TXNDC16: variants seen among roughly 807,000 people sequenced by gnomAD.
TXNDC16 encodes the protein thioredoxin domain-containing protein 16.
A neutral mutation model predicts 85.6 loss-of-function variants in TXNDC16; 74 were observed. The ratio of observed to expected loss-of-function variants is 0.86; its 90% CI spans 0.72 to 1.05. The LOEUF (loss-of-function observed/expected upper bound fraction) is 1.05, where lower values mean the gene tolerates loss of function less well. Ranked by LOEUF, TXNDC16 falls within the 50% of genes least tolerant of loss-of-function variation. The probability of loss-of-function intolerance (pLI) is 0.00; values close to 1 mark genes in which losing one functional copy is unlikely to be tolerated. For missense variants in TXNDC16, 959 were observed against 947.0 expected, an observed-to-expected ratio of 1.01 and a Z score of -0.17; for synonymous variants, 335 against 326.5, an observed-to-expected ratio of 1.03 and a Z score of -0.28.
chr14:52,491,031 A>G (rs537917630), intron 9 of TXNDC16, 26 bp from the exon 10 acceptor site: 4 of 1,468,820 alleles, frequency 2.7e-6, no homozygotes, highest in East Asian at 4.8e-5. Flanking sequence ...AAAAAAAAAA[A>G]GGTGTGATAA....
chr14:52,519,349 C>T, intron 6 of TXNDC16, 56 bp from the exon 7 acceptor site: 4 of 1,357,712 alleles, frequency 2.9e-6, no homozygotes, highest in South Asian at 1.4e-5. Flanking sequence ...TTAGTTACAC[C>T]ACACTTCTGT....
intron 14 of TXNDC16, among the ~76,000 whole-genome samples, chr14:52,479,167 A>C (rs991244453): frequency 6.6e-6 from 1 of 152,150 alleles, no homozygotes; most frequent in African/African-American, 2.4e-5. Flanking sequence ...CATACCTCAA[A>C]GTAATAAAAG....
intron 16 of TXNDC16, among the ~76,000 whole-genome samples, chr14:52,468,819 G>C (rs987434922): frequency 6.6e-6 from 1 of 151,952 alleles, no homozygotes; most frequent in African/African-American, 2.4e-5. Context: ...TGAGTGTGCA[G>C]TGAGCTGTGA....
chr14:52,440,167 A>T (rs2035133262), intron 19 of TXNDC16, among the ~76,000 whole-genome samples: 1 of 152,228 alleles, frequency 6.6e-6, no homozygotes, highest in Non-Finnish European at 1.5e-5. Flanking sequence ...CACAATCCAT[A>T]CATCTAGAAA....
intron 9 of TXNDC16, among the ~76,000 whole-genome samples, chr14:52,500,825 T>C (rs2036641020): frequency 6.6e-6 from 1 of 152,186 alleles, no homozygotes; most frequent in Admixed American, 6.5e-5. Flanking sequence ...AAAAATAATG[T>C]AAAAATTTCA....
At chr14:52,528,559 TGATATA>T in intron 6 of TXNDC16, among the ~76,000 whole-genome samples, 1 of 151,830 alleles carries the variant, frequency 6.6e-6, no homozygotes, top group South Asian at 2.1e-4. Flanking sequence ...GAATTATATA[TGATATA>T]TATATACACA....
At chr14:52,528,702 T>C (rs1412234931) in intron 6 of TXNDC16, among the ~76,000 whole-genome samples, 5 of 150,608 alleles carry the variant, frequency 3.3e-5, no homozygotes, top group Admixed American at 1.3e-4. Context: ...AATACTATTT[T>C]GTTTATTATT....
chr14:52,455,210 C>T, intron 18 of TXNDC16, 114 bp downstream of exon 18: 4 of 1,214,814 alleles, frequency 3.3e-6, no homozygotes, highest in Non-Finnish European at 4.6e-6. Context: ...CCTCAGCTCA[C>T]AAATCACCCT....
At chr14:52,507,157 A>C (rs981757360) in intron 9 of TXNDC16, among the ~76,000 whole-genome samples, 2 of 152,148 alleles carry the variant, frequency 1.3e-5, no homozygotes, top group African/African-American at 4.8e-5. Context: ...TTGTATATCT[A>C]GAAAACCCCA....
At chr14:52,521,373 G>T (rs1185751845) in intron 6 of TXNDC16, among the ~76,000 whole-genome samples, 2 of 150,582 alleles carry the variant, frequency 1.3e-5, no homozygotes, top group African/African-American at 4.9e-5. Context: ...CGCCCACCTC[G>T]GCCTCCCAAA....
intron 14 of TXNDC16, among the ~76,000 whole-genome samples, chr14:52,481,791 C>G (rs1420375863): frequency 6.6e-6 from 1 of 152,116 alleles, no homozygotes; most frequent in Non-Finnish European, 1.5e-5. Context: ...TATTAAAAAG[C>G]ATTCCATCCA....
In TXNDC16 at chr14:52,470,021, G is replaced by T; in HGVS notation, c.1618+16C>A. On this transcript the variant is annotated intron_variant, in intron 16 of 20. Coordinates refer to ENST00000281741, the MANE Select transcript of TXNDC16 (RefSeq NM_020784.3). ...ATATACTCTACTGTATAATTTAAAA[G>T]CTCAGCTCTGCTTACCTGTTTTCAT... 1 of 1,595,600 alleles carries T rather than the reference G, an allele frequency of 6.3e-7. No homozygotes were observed. Among genetic ancestry groups the T allele is most frequent in the Middle Eastern group, 1.7e-4 (1 of 5,982 alleles).
intron 7 of TXNDC16, among the ~76,000 whole-genome samples, chr14:52,518,127 C>T (rs540793511): frequency 6.6e-5 from 10 of 152,302 alleles, no homozygotes; most frequent in African/African-American, 2.2e-4. Context: ...CATTCTGTCT[C>T]CTTTACTGGT....
intron 14 of TXNDC16, among the ~76,000 whole-genome samples, chr14:52,473,575 T>A (rs1594708351): frequency 6.6e-6 from 1 of 152,202 alleles, no homozygotes; most frequent in Admixed American, 6.5e-5. Context: ...CTACTTATAC[T>A]GAAGTTATCA....
At chr14:52,515,863 T>G (rs77855255) in intron 7 of TXNDC16, among the ~76,000 whole-genome samples, 7,499 of 152,216 alleles carry the variant, frequency 0.049, 239 homozygotes, top group Middle Eastern at 0.075. Context: ...CTAACTTTTA[T>G]TAGATCAGTA....
chr14:52,463,267 A>C (rs1203819965), intron 16 of TXNDC16, among the ~76,000 whole-genome samples: 1 of 152,118 alleles, frequency 6.6e-6, no homozygotes, highest in Non-Finnish European at 1.5e-5. Flanking sequence ...TCAAAGTCTG[A>C]AAGAGAACTT....
chr14:52,497,581 C>T (rs759442684), intron 9 of TXNDC16, among the ~76,000 whole-genome samples: 1 of 152,090 alleles, frequency 6.6e-6, no homozygotes, highest in African/African-American at 2.4e-5. Context: ...AAATCCTCAA[C>T]AAAAACTACC....
chr14:52,467,243 A>G (rs999576956), intron 16 of TXNDC16, among the ~76,000 whole-genome samples: 1 of 152,158 alleles, frequency 6.6e-6, no homozygotes, highest in Non-Finnish European at 1.5e-5. Context: ...CACTCATCCC[A>G]TGCACTAAAA....
At chr14:52,511,920 G>A (rs2036965617) in intron 8 of TXNDC16, among the ~76,000 whole-genome samples, 1 of 152,066 alleles carries the variant, frequency 6.6e-6, no homozygotes, top group Admixed American at 6.6e-5. Flanking sequence ...AGCAAATATG[G>A]CTTATAATTT....
Sources: allele counts gnomAD v4.1 joint callset (sites outside exome capture counted in the v4.1 genomes callset), GRCh38; gene constraint gnomAD v4.1.1; transcripts MANE v1.5; gene names NCBI Gene and HGNC (gene_info 2026-07-23, HGNC 2026-07-21).